The following PVT1 variants were observed in gnomAD, a reference collection of about 807,000 sequenced individuals.
PVT1 encodes Pvt1 oncogene, also known as CXCR4/PVT1 fusion.
At chr8:127,809,623 G>C (rs928262475) in intron 2 of PVT1, among the ~76,000 whole-genome samples, 1 of 152,172 alleles carries the variant, frequency 6.6e-6, no homozygotes, top group Admixed American at 6.5e-5. Flanking sequence ...AGCAGAGATT[G>C]TGTCAGTTAC....
chr8:127,847,904 AT>A (rs796831670), intron 2 of PVT1, among the ~76,000 whole-genome samples: 16 of 149,860 alleles, frequency 1.1e-4, no homozygotes, highest in African/African-American at 2.7e-4. Context: ...CATGAAGAAG[AT>A]TTTTTTTTTC....
intron 3 of PVT1, among the ~76,000 whole-genome samples, chr8:127,953,697 T>C (rs1248241713): frequency 1.3e-5 from 2 of 152,216 alleles, no homozygotes; most frequent in African/African-American, 4.8e-5. Flanking sequence ...AACCCAGATC[T>C]CCTGAGATTA....
At position 127,798,302 on chromosome 8, in the gene PVT1, C is replaced by T. The variant is rs1322391475; in HGVS notation, n.372+2231C>T. Among the ~76,000 whole-genome samples the T allele has an allele frequency of 2.1e-4, 31 of 150,958 alleles. 1 individual carries two copies. Among genetic ancestry groups the T allele is most frequent in the Admixed American group, 1.8e-3 (28 of 15,156 alleles). On this transcript the variant is annotated intron_variant and non_coding_transcript_variant, in intron 2 of 10. Transcript: ENST00000651587. ...CTGGGCAACAAGAGCAAAACTCAGTCTCAAAAAAAAAACAACAAGAAAAGG... is the reference window on the plus strand; with the variant it reads ...CTGGGCAACAAGAGCAAAACTCAGTTTCAAAAAAAAAACAACAAGAAAAGG...
chr8:127,861,232 G>C (rs1345943357), intron 2 of PVT1, among the ~76,000 whole-genome samples: 1 of 151,994 alleles, frequency 6.6e-6, no homozygotes, highest in Non-Finnish European at 1.5e-5. Context: ...TATTGAGACA[G>C]AGTTTCAAGT....
At chr8:128,067,901 T>G (rs1478099377) in intron 4 of PVT1, among the ~76,000 whole-genome samples, 1 of 151,976 alleles carries the variant, frequency 6.6e-6, no homozygotes, top group African/African-American at 2.4e-5. Flanking sequence ...TTTCTGCCTT[T>G]CCTCTTCTGA....
chr8:127,956,432 G>C (rs368368433), intron 3 of PVT1, among the ~76,000 whole-genome samples: 1 of 152,258 alleles, frequency 6.6e-6, no homozygotes, highest in Non-Finnish European at 1.5e-5. Context: ...TCCAGGTTCC[G>C]TGGTGAAGGG....
At chr8:127,886,868 A>G (rs1815529247) in intron 2 of PVT1, among the ~76,000 whole-genome samples, 1 of 152,124 alleles carries the variant, frequency 6.6e-6, no homozygotes, top group Non-Finnish European at 1.5e-5. Context: ...GTTGTTTGTT[A>G]TATTGAGCTA....
intron 3 of PVT1, among the ~76,000 whole-genome samples, chr8:127,904,484 G>A (rs1023126759): frequency 1.2e-4 from 18 of 149,948 alleles, no homozygotes; most frequent in African/African-American, 4.4e-4. Context: ...TGATGATGAT[G>A]ATGATGATGT....
chr8:127,851,767 C>T (rs2129734619), intron 2 of PVT1, among the ~76,000 whole-genome samples: 1 of 152,310 alleles, frequency 6.6e-6, no homozygotes, highest in South Asian at 2.1e-4. Flanking sequence ...TGTGGAGACT[C>T]TAGCCATGGT....
intron 5 of PVT1, among the ~76,000 whole-genome samples, chr8:128,071,051 GTCAC>G (rs1316216574): frequency 1.3e-5 from 2 of 152,174 alleles, no homozygotes; most frequent in Non-Finnish European, 2.9e-5. Flanking sequence ...GAAGCGGCGA[GTCAC>G]TCATACATGT....
At chr8:127,981,299 C>T (rs1192284812) in intron 3 of PVT1, among the ~76,000 whole-genome samples, 3 of 152,142 alleles carry the variant, frequency 2.0e-5, no homozygotes, top group African/African-American at 7.2e-5. Flanking sequence ...CCAAGGCTAC[C>T]CAAAGAGCTT....
rs1249196642 is a variant in PVT1, at chr8:127,888,512, G to A, written n.373-2077G>A. Among the ~76,000 whole-genome samples the A allele has an allele frequency of 6.6e-5, 10 of 152,220 alleles. No homozygotes were observed. The South Asian group carries it at 1.9e-3, about 28-fold the overall frequency. On this transcript the variant is annotated intron_variant and non_coding_transcript_variant, in intron 2 of 10. Transcript: ENST00000651587. ...CTGCGAATATGTTGCATGTCAAAAG[G>A]GACTTTGCAGATGCTAGTAAGGCTA...
At chr8:127,843,524 G>A (rs1168209935) in intron 2 of PVT1, among the ~76,000 whole-genome samples, 1 of 151,972 alleles carries the variant, frequency 6.6e-6, no homozygotes, top group African/African-American at 2.4e-5. Context: ...CTCACTGTAA[G>A]CTCCGCTTCC....
At chr8:128,071,092 C>T (rs1414842025) in intron 5 of PVT1, among the ~76,000 whole-genome samples, 1 of 152,168 alleles carries the variant, frequency 6.6e-6, no homozygotes. Flanking sequence ...TAGATCCATC[C>T]AGCTCATTTT....
chr8:127,825,796 G>A (rs1011658390), intron 2 of PVT1, among the ~76,000 whole-genome samples: 12 of 152,098 alleles, frequency 7.9e-5, no homozygotes, highest in African/African-American at 2.7e-4. Flanking sequence ...CTATATGGGT[G>A]TCCTCGAAAA....
At chr8:128,017,491 G>T (rs1817386651) in intron 4 of PVT1, among the ~76,000 whole-genome samples, 1 of 152,086 alleles carries the variant, frequency 6.6e-6, no homozygotes, top group Non-Finnish European at 1.5e-5. Flanking sequence ...GCCCAGGCTG[G>T]AGTGCAGTGA....
At chr8:127,861,379 C>G (rs892439012) in intron 2 of PVT1, among the ~76,000 whole-genome samples, 1 of 152,100 alleles carries the variant, frequency 6.6e-6, no homozygotes, top group Non-Finnish European at 1.5e-5. Context: ...GAGGCCAAGG[C>G]GGGTGGATCA....
Position 127,952,864 on chromosome 8 carries a change from A to G in PVT1, n.783-36298A>G, listed in dbSNP as rs935992938. Among the ~76,000 whole-genome samples, 3 of 151,854 alleles carry G rather than the reference A, an allele frequency of 2.0e-5. No individual in the cohort carries two copies. The East Asian group carries it at 5.8e-4, about 29-fold the overall frequency. The stretch of plus-strand genomic sequence containing the variant: ...ACTGCAACCTCCACCTCCCAGGTTC[A>G]CGCCATTCTCCTGCCTCAGCCTCCC... On this transcript the variant is annotated intron_variant and non_coding_transcript_variant, in intron 3 of 10. Coordinates refer to ENST00000651587, the Ensembl canonical transcript of PVT1.
intron 2 of PVT1, among the ~76,000 whole-genome samples, chr8:127,834,491 A>G (rs1370822051): frequency 6.6e-6 from 1 of 152,202 alleles, no homozygotes; most frequent in Non-Finnish European, 1.5e-5. Flanking sequence ...AGGCAACACC[A>G]TTCAGGACAT....
Sources: allele counts gnomAD v4.1 joint callset (sites outside exome capture counted in the v4.1 genomes callset), GRCh38; gene constraint gnomAD v4.1.1; transcripts MANE v1.5; gene names NCBI Gene and HGNC (gene_info 2026-07-23, HGNC 2026-07-21).